The following PAPPA variants were observed in gnomAD, a reference collection of about 807,000 sequenced individuals.
PAPPA encodes pappalysin 1.
In PAPPA, 60 loss-of-function variants were observed where a neutral mutation model predicts 164.0. That is an observed-to-expected ratio of 0.37 (90% CI 0.30 to 0.45). The LOEUF (loss-of-function observed/expected upper bound fraction) is 0.45. Ranked by LOEUF, PAPPA falls within the 20% of genes least tolerant of loss-of-function variation. The pLI is 1.00. For synonymous variants in PAPPA, 875 were observed against 814.1 expected (o/e 1.07, Z -1.27); for missense variants, 1,782 against 2,087.3 (o/e 0.85, Z 2.85).
intron 3 of PAPPA, among the ~76,000 whole-genome samples, chr9:116,208,783 G>T (rs113370376): frequency 6.6e-6 from 1 of 152,034 alleles, no homozygotes; most frequent in South Asian, 2.1e-4. Context: ...CCCTCCAGAC[G>T]ACTCTCATTT....
intron 10 of PAPPA, among the ~76,000 whole-genome samples, chr9:116,314,060 C>CTT (rs57871796): frequency 0.012 from 839 of 69,728 alleles, 188 homozygotes; most frequent in African/African-American, 0.015. Flanking sequence ...TGCATCGAAT[C>CTT]TTTTTTTTTT....
intron 1 of PAPPA, among the ~76,000 whole-genome samples, chr9:116,175,387 C>T (rs1252483874): frequency 6.6e-6 from 1 of 152,130 alleles, no homozygotes; most frequent in Non-Finnish European, 1.5e-5. Flanking sequence ...TAAGTGTTCT[C>T]ACCACAAAAA....
At chr9:116,264,572 T>A (rs1845043914) in intron 7 of PAPPA, among the ~76,000 whole-genome samples, 1 of 152,174 alleles carries the variant, frequency 6.6e-6, no homozygotes, top group African/African-American at 2.4e-5. Flanking sequence ...ACCTGTTATC[T>A]TGTTGGCCTT....
chr9:116,241,005 C>A (rs780964833), intron 7 of PAPPA, among the ~76,000 whole-genome samples: 1 of 152,118 alleles, frequency 6.6e-6, no homozygotes, highest in Non-Finnish European at 1.5e-5. Flanking sequence ...TTTATCTCAC[C>A]TCCTTGGCAT....
chr9:116,351,324 T>A (rs1275551766), intron 15 of PAPPA, among the ~76,000 whole-genome samples: 2 of 152,036 alleles, frequency 1.3e-5, no homozygotes, highest in East Asian at 1.9e-4. Context: ...GAGCTACTAA[T>A]GAAGATGAAA....
chr9:116,392,833 A>AGGC (rs1846912143), intron 21 of PAPPA, among the ~76,000 whole-genome samples: 2 of 152,282 alleles, frequency 1.3e-5, no homozygotes, highest in Admixed American at 1.3e-4. Flanking sequence ...ACAGATGGGG[A>AGGC]GGCTGAAGTC....
Position 116,154,482 on chromosome 9 carries a change from G to T in PAPPA, c.310G>T (p.Glu104Ter). 1 of 1,307,946 alleles carries T rather than the reference G, an allele frequency of 7.6e-7. No individual in the cohort carries two copies. Among genetic ancestry groups the T allele is most frequent in the Non-Finnish European group, 9.7e-7 (1 of 1,026,804 alleles). The allele number at this position is 1,307,946 out of a possible 1,614,324, so 81.0% of individuals were successfully genotyped here. Residue 104 changes from glutamate to a stop codon, truncating the protein, a stop_gained, in exon 1 of 22, where the codon GAG becomes TAG. Transcript: ENST00000328252. LOFTEE classifies it high-confidence loss of function. The surrounding 1 kb of genome is among the most constrained non-coding windows in gnomAD (Gnocchi z 5.2). ...SRALYFSGRG[E>*]QLRLRADLEL... ...GGCGCTCTATTTCAGCGGGCGAGGCGAGCAGCTGCGCCTCCGGGCCGACCT... is the reference window on the plus strand; with the variant it reads ...GGCGCTCTATTTCAGCGGGCGAGGCTAGCAGCTGCGCCTCCGGGCCGACCT...
intron 13 of PAPPA, among the ~76,000 whole-genome samples, chr9:116,342,060 A>G (rs1297960880): frequency 6.6e-6 from 1 of 152,244 alleles, no homozygotes; most frequent in African/African-American, 2.4e-5. Flanking sequence ...TGGCTCTGCA[A>G]CTTAAAGAAG....
At chr9:116,290,355 G>A in intron 9 of PAPPA, among the ~76,000 whole-genome samples, 1 of 117,106 alleles carries the variant, frequency 8.5e-6, no homozygotes, top group East Asian at 2.8e-4. Flanking sequence ...TGCTGATCAT[G>A]TTTCTCCATC....
At chr9:116,291,445 T>C (rs956700781) in intron 9 of PAPPA, among the ~76,000 whole-genome samples, 1 of 152,152 alleles carries the variant, frequency 6.6e-6, no homozygotes, top group African/African-American at 2.4e-5. Context: ...TTCATAAAAA[T>C]TTTTACATAA....
rs1326691595 is a variant in PAPPA at position 116,154,500 on chromosome 9, G to A, written c.328G>A (p.Ala110Thr). The A allele has an allele frequency of 3.0e-6, 4 of 1,350,850 alleles. No homozygotes were observed. The Admixed American group carries it at 9.9e-5, about 33-fold the overall frequency. 83.7% of individuals were successfully genotyped at this position (1,350,850 alleles called of 1,614,324 possible). A position where few individuals can be genotyped will look rare whatever the true frequency, so the allele number is the denominator to read the frequency against. ...SGRGEQLRLR[A>T]DLELPRDAFT... Reference sequence around the variant, plus strand: ...GCGAGGCGAGCAGCTGCGCCTCCGGGCCGACCTCGAGCTGCCCCGGGACGC... The same window carrying A: ...GCGAGGCGAGCAGCTGCGCCTCCGGACCGACCTCGAGCTGCCCCGGGACGC... Residue 110 changes from alanine (A) to threonine (T), a missense_variant, in exon 1 of 22, where the codon GCC becomes ACC. Ala to Thr is a moderately conservative substitution (Grantham distance 58). Coordinates refer to ENST00000328252, the MANE Select transcript of PAPPA (RefSeq NM_002581.5). The surrounding 1 kb of genome is among the most constrained non-coding windows in gnomAD (Gnocchi z 5.2).
chr9:116,221,951 C>G (rs2118710518), intron 5 of PAPPA, among the ~76,000 whole-genome samples: 1 of 152,102 alleles, frequency 6.6e-6, no homozygotes, highest in African/African-American at 2.4e-5. Context: ...ATGGCTATTA[C>G]CAAAAGGAGG....
Position 116,398,598 on chromosome 9 carries a change from G to C in PAPPA, c.*1982G>C, listed in dbSNP as rs1020449565. On this transcript the variant is annotated 3_prime_UTR_variant, in exon 22 of 22. Transcript: ENST00000328252. Reference sequence around the variant, plus strand: ...AGAAGACATCTATTGGCCATCTCTGGCCAATTACACTAAGAAACATATCAA... The same window carrying C: ...AGAAGACATCTATTGGCCATCTCTGCCCAATTACACTAAGAAACATATCAA... 9 of 1,227,664 alleles carry C rather than the reference G, an allele frequency of 7.3e-6. No individual in the cohort carries two copies. The highest frequency in any genetic ancestry group is 4.6e-5 in the African/African-American group (3 of 64,748). 76.0% of individuals were successfully genotyped at this position (1,227,664 alleles called of 1,614,324 possible). A position where few individuals can be genotyped will look rare whatever the true frequency, so the allele number is the denominator to read the frequency against.
chr9:116,391,217 G>A (rs1362511100), intron 21 of PAPPA, among the ~76,000 whole-genome samples: 2 of 152,094 alleles, frequency 1.3e-5, no homozygotes, highest in African/African-American at 2.4e-5. Flanking sequence ...ACTGTTCCAC[G>A]TTTTATGCCA....
Position 116,303,145 on chromosome 9 carries a change from T to A in PAPPA, c.3147+195T>A, listed in dbSNP as rs538057058. ...GGAATTGTTAGGGCAGGGAACATTG[T>A]ATGATAGGGTAATGACTGTCCTCCT... On this transcript the variant is annotated intron_variant, in intron 10 of 21. Transcript: ENST00000328252. 1.2e-4 allele frequency among the ~76,000 whole-genome samples: 19 copies of A among 152,314 alleles called. No homozygotes were observed. In the East Asian group the frequency reaches 3.5e-3, roughly 28 times the overall value.
chr9:116,329,995 A>G (rs920494582), intron 10 of PAPPA, among the ~76,000 whole-genome samples: 3 of 152,096 alleles, frequency 2.0e-5, no homozygotes, highest in South Asian at 2.1e-4. Context: ...TAATCCTTGT[A>G]TATACTTTTC....
Position 116,154,657 on chromosome 9 carries a change from C to A in PAPPA, c.415+70C>A. On this transcript the variant is annotated intron_variant, in intron 1 of 21. Coordinates refer to ENST00000328252, the MANE Select transcript of PAPPA (RefSeq NM_002581.5). The surrounding 1 kb of genome is among the most constrained non-coding windows in gnomAD (Gnocchi z 5.2). ...CCAGAGGCTCGCGGGTGTCTGGGCG[C>A]GGGTGGCGGGCGGGTCGGGGGCTTG... 8.0e-7 allele frequency: 1 copy of A among 1,253,248 alleles called. No homozygotes were observed. The highest frequency in any genetic ancestry group is 1.0e-6 in the Non-Finnish European group (1 of 998,178). The allele number at this position is 1,253,248 out of a possible 1,614,324, so 77.6% of individuals were successfully genotyped here. A position where few individuals can be genotyped will look rare whatever the true frequency, so the allele number is the denominator to read the frequency against.
Position 116,227,485 on chromosome 9 carries a change from T to C in PAPPA, c.2166T>C (p.Tyr722=). 1 of 1,614,132 alleles carries C rather than the reference T, an allele frequency of 6.2e-7. No homozygotes were observed. The highest frequency in any genetic ancestry group is 8.5e-7 in the Non-Finnish European group (1 of 1,179,988). Residue 722 remains tyrosine, a synonymous_variant, in exon 6 of 22, where the codon TAT becomes TAC. Coordinates refer to ENST00000328252, the MANE Select transcript of PAPPA (RefSeq NM_002581.5). Reference sequence around the variant, plus strand: ...TGGAAGGGAGAATCCTGGTGCAGTATGCTTCCAACGCTTCCTCCCCAATGC... The same window carrying C: ...TGGAAGGGAGAATCCTGGTGCAGTACGCTTCCAACGCTTCCTCCCCAATGC... ...LCLEGRILVQ[Y]ASNASSPMPC...
intron 1 of PAPPA, among the ~76,000 whole-genome samples, chr9:116,170,170 A>C (rs1843760322): frequency 6.6e-6 from 1 of 152,108 alleles, no homozygotes; most frequent in Admixed American, 6.5e-5. Context: ...TACATGCTGA[A>C]AAACTGGGGG....
Sources: gnomAD v4.1 joint callset for allele counts (sites outside exome capture counted in the v4.1 genomes callset) on GRCh38, gnomAD v4.1.1 for gene constraint, Gnocchi (gnomAD v3.1) non-coding constraint, MANE v1.5 for transcripts, NCBI Gene and HGNC (gene_info 2026-07-23, HGNC 2026-07-21) for gene names.